The following CTTNBP2NL variants were observed in gnomAD, a reference collection of about 807,000 sequenced individuals.
CTTNBP2NL encodes CTTNBP2 N-terminal like.
CTTNBP2NL carries 16 observed loss-of-function variants against 32.5 expected under a neutral mutation model. That is an observed-to-expected ratio of 0.49 (90% CI 0.33 to 0.75). The LOEUF (loss-of-function observed/expected upper bound fraction) is 0.75. CTTNBP2NL is among the 30% of genes least tolerant of loss of function. The probability of loss-of-function intolerance (pLI) is 0.02; values close to 1 mark genes in which losing one functional copy is unlikely to be tolerated. For missense variants in CTTNBP2NL, 645 were observed against 756.0 expected (o/e 0.85, Z 1.72); for synonymous variants, 298 against 289.4 (o/e 1.03, Z -0.30).
chr1:112,401,552 A>G (rs924857425), intron 1 of CTTNBP2NL, among the ~76,000 whole-genome samples: 8 of 152,286 alleles, frequency 5.3e-5, no homozygotes, highest in South Asian at 2.1e-4. Flanking sequence ...GGGACTTTTA[A>G]TGGTAATTTT....
intron 4 of CTTNBP2NL, among the ~76,000 whole-genome samples, chr1:112,451,983 A>AT (rs1570745958): frequency 1.3e-5 from 2 of 151,646 alleles, no homozygotes; most frequent in East Asian, 3.9e-4. Context: ...TATTATTAAA[A>AT]TTTTTTCTCT....
In CTTNBP2NL at chr1:112,442,694, C is replaced by CT. The variant is rs796344995; in HGVS notation, c.100-6237dup. 7.7e-3 allele frequency among the ~76,000 whole-genome samples: 1,138 copies of CT among 148,060 alleles called. 10 individuals are homozygous for CT. Among genetic ancestry groups the CT allele is most frequent in the African/African-American group, 0.026 (1,035 of 40,496 alleles). ...GCTACATTATTCTGTTACTCATATT[C>CT]TTTTTTTTTTTCTTTTAAGAGAGTC... is the stretch of plus-strand genomic sequence containing the variant. On this transcript the variant is annotated intron_variant, in intron 3 of 5. Coordinates refer to ENST00000271277, the MANE Select transcript of CTTNBP2NL (RefSeq NM_018704.3).
chr1:112,437,100 A>G (rs1557893591), intron 3 of CTTNBP2NL, among the ~76,000 whole-genome samples: 1 of 152,174 alleles, frequency 6.6e-6, no homozygotes. Flanking sequence ...TGCAGTGGAT[A>G]TTCACGTGCA....
At chr1:112,444,966 G>T (rs563007820) in intron 3 of CTTNBP2NL, among the ~76,000 whole-genome samples, 6 of 152,312 alleles carry the variant, frequency 3.9e-5, no homozygotes, top group African/African-American at 1.4e-4. Context: ...CATCAGAAAT[G>T]ATGGTGTGTC....
chr1:112,460,640 T>C lies in CTTNBP2NL; in HGVS notation c.*3228T>C, dbSNP rs1156906058. ...TTAAGAAAGCATAATCTTGTTCTGC[T>C]CTCTCATTTTACAAATGATTAATGC... On this transcript the variant is annotated 3_prime_UTR_variant, in exon 6 of 6. Transcript: ENST00000271277. 4 of 152,234 alleles carry C rather than the reference T, an allele frequency of 2.6e-5. No individual in the cohort carries two copies. The highest frequency in any genetic ancestry group is 1.3e-4 in the Admixed American group (2 of 15,286). 9.4% of individuals were successfully genotyped at this position (152,234 alleles called of 1,614,324 possible).
At chr1:112,413,979 C>T (rs1037037678) in intron 2 of CTTNBP2NL, among the ~76,000 whole-genome samples, 6 of 151,830 alleles carry the variant, frequency 4.0e-5, no homozygotes, top group African/African-American at 7.3e-5. Flanking sequence ...ACCCGGGAGG[C>T]GGAGGTTGCA....
upstream of CTTNBP2NL, among the ~76,000 whole-genome samples, chr1:112,392,522 T>C (rs534745215): frequency 6.6e-6 from 1 of 152,328 alleles, no homozygotes; most frequent in Non-Finnish European, 1.5e-5. Context: ...GGTCGAATGA[T>C]GTCCCCCCAA....
At chr1:112,454,774 A>G (rs1229101946) in intron 5 of CTTNBP2NL, among the ~76,000 whole-genome samples, 7 of 152,210 alleles carry the variant, frequency 4.6e-5, no homozygotes, top group African/African-American at 1.7e-4. Context: ...AAGATAGGGT[A>G]TTCTGTGTTT....
intron 3 of CTTNBP2NL, among the ~76,000 whole-genome samples, chr1:112,448,450 A>G (rs905540089): frequency 9.2e-5 from 14 of 152,348 alleles, no homozygotes; most frequent in African/African-American, 3.4e-4. Flanking sequence ...CATACTTAAC[A>G]TGTTTTAGAA....
chr1:112,457,624 G>A lies in CTTNBP2NL; in HGVS notation c.*212G>A, dbSNP rs933924411. 2.0e-6 allele frequency: 1 copy of A among 508,040 alleles called. No homozygotes were observed. Among genetic ancestry groups the A allele is most frequent in the South Asian group, 3.3e-5 (1 of 30,664 alleles). The allele number at this position is 508,040 out of a possible 1,614,324, so 31.5% of individuals were successfully genotyped here. ...CACATCTTTTTACTGAAGCCAGAAA[G>A]GCACCTCAAAGATGTCTCAAGCTCA... On this transcript the variant is annotated 3_prime_UTR_variant, in exon 6 of 6. Coordinates refer to ENST00000271277, the MANE Select transcript of CTTNBP2NL (RefSeq NM_018704.3).
chr1:112,448,937 C>T lies in CTTNBP2NL; in HGVS notation c.100-5C>T. On this transcript the variant is annotated splice_region_variant and splice_polypyrimidine_tract_variant and intron_variant, in intron 3 of 5. Transcript: ENST00000271277. ...AAGATGCTTATTTTTTTTCCTCTTT[C>T]CCAGGCCCAACACAGAGATACTTTC... The T allele has an allele frequency of 6.4e-7, 1 of 1,566,958 alleles. No homozygotes were observed. Among genetic ancestry groups the T allele is most frequent in the African/African-American group, 1.4e-5 (1 of 73,838 alleles).
chr1:112,433,997 CA>C lies in CTTNBP2NL; in HGVS notation c.100-14942del, dbSNP rs1299174070. Among the ~76,000 whole-genome samples the C allele has an allele frequency of 2.6e-5, 4 of 152,264 alleles. No homozygotes were observed. The South Asian group carries it at 6.2e-4, about 24-fold the overall frequency. ...AGGCAGTCTTTCCGCCTTGGCCTCCCAAAGGCCACCATGCCTGGCCTCCTGT... is the reference window on the plus strand; with the variant it reads ...AGGCAGTCTTTCCGCCTTGGCCTCCCAAGGCCACCATGCCTGGCCTCCTGT... On this transcript the variant is annotated intron_variant, in intron 3 of 5. Coordinates refer to ENST00000271277, the MANE Select transcript of CTTNBP2NL (RefSeq NM_018704.3).
intron 1 of CTTNBP2NL, among the ~76,000 whole-genome samples, chr1:112,398,123 TG>T (rs1426632568): frequency 6.6e-6 from 1 of 152,182 alleles, no homozygotes; most frequent in African/African-American, 2.4e-5. Flanking sequence ...AAAGATAAGT[TG>T]TATTATATCA....
intron 1 of CTTNBP2NL, among the ~76,000 whole-genome samples, chr1:112,396,759 C>A (rs1029930508): frequency 6.6e-6 from 1 of 152,186 alleles, no homozygotes; most frequent in Non-Finnish European, 1.5e-5. Context: ...AATCAAAGAC[C>A]GACCTAGACA....
At chr1:112,434,665 C>A (rs1002085998) in intron 3 of CTTNBP2NL, among the ~76,000 whole-genome samples, 1 of 152,178 alleles carries the variant, frequency 6.6e-6, no homozygotes, top group Non-Finnish European at 1.5e-5. Context: ...AAAGACATTA[C>A]ATTCAAGACA....
At chr1:112,448,101 C>T (rs562090325) in intron 3 of CTTNBP2NL, among the ~76,000 whole-genome samples, 4 of 152,210 alleles carry the variant, frequency 2.6e-5, no homozygotes, top group Non-Finnish European at 5.9e-5. Flanking sequence ...CCAGGGCTAA[C>T]GTCCTTGACC....
At chr1:112,451,129 CTTT>C (rs1650203125) in intron 4 of CTTNBP2NL, among the ~76,000 whole-genome samples, 1 of 151,958 alleles carries the variant, frequency 6.6e-6, no homozygotes, top group Non-Finnish European at 1.5e-5. Flanking sequence ...CCAGTTTTTT[CTTT>C]TAGCCATTCA....
At chr1:112,394,205 T>TA (rs60528857), upstream of CTTNBP2NL, among the ~76,000 whole-genome samples, 2,487 of 73,252 alleles carry the variant, frequency 0.034, 37 homozygotes, top group African/African-American at 0.08. Flanking sequence ...TCCATCTCGA[T>TA]AAAAAAAAAA....
chr1:112,454,532 GGAAA>G lies in CTTNBP2NL; in HGVS notation c.417_420del (p.Glu141GlyfsTer2). On this transcript the variant is annotated frameshift_variant, in exon 5 of 6. Coordinates refer to ENST00000271277, the MANE Select transcript of CTTNBP2NL (RefSeq NM_018704.3). LOFTEE classifies it high-confidence loss of function. The stretch of plus-strand genomic sequence containing the variant: ...ATGATGTCACCTACATGCTAGAGAA[GGAAA>G]GAGAGAGGCTGACTCAACAGGTAAT... 3.1e-6 allele frequency: 5 copies of G among 1,613,400 alleles called. No individual in the cohort carries two copies. The highest frequency in any genetic ancestry group is 4.2e-6 in the Non-Finnish European group (5 of 1,179,320).
Sources: gnomAD v4.1 joint callset for allele counts (sites outside exome capture counted in the v4.1 genomes callset) on GRCh38, gnomAD v4.1.1 for gene constraint, MANE v1.5 for transcripts, NCBI Gene and HGNC (gene_info 2026-07-23, HGNC 2026-07-21) for gene names.